The following TPRG1 variants were observed in gnomAD, a reference collection of about 807,000 sequenced individuals.
TPRG1 encodes the protein tumor protein p63 regulated 1, also known as tumor protein p63-regulated gene 1 protein.
A neutral mutation model predicts 29.3 loss-of-function variants in TPRG1; 29 were observed. The observed-to-expected ratio is 0.99, with a 90% CI of 0.74 to 1.35. TPRG1 has a LOEUF of 1.35. TPRG1 is among the 40% of genes most tolerant of loss of function. The pLI, the probability that TPRG1 is intolerant of heterozygous loss-of-function variation, is 0.00. For synonymous variants in TPRG1, 130 were observed against 116.8 expected (o/e 1.11, Z -0.73); for missense variants, 327 against 335.0 (o/e 0.98, Z 0.19).
intron 4 of TPRG1, among the ~76,000 whole-genome samples, chr3:189,268,352 G>T (rs1363068308): frequency 6.6e-6 from 1 of 152,164 alleles, no homozygotes; most frequent in Non-Finnish European, 1.5e-5. Context: ...AAATCTCCGT[G>T]GGGAGGCGTT....
chr3:189,091,823 CTTATT>C, intron 4 of TPRG1, among the ~76,000 whole-genome samples: 1 of 152,106 alleles, frequency 6.6e-6, no homozygotes, highest in Middle Eastern at 3.4e-3. Flanking sequence ...TTCTGTGTTA[CTTATT>C]TTATCTATTT....
rs552333824 is a variant in TPRG1, at chr3:189,260,639, G to A, written c.479+21730G>A. 4.9e-4 allele frequency among the ~76,000 whole-genome samples: 75 copies of A among 152,298 alleles called. No individual in the cohort carries two copies. In the South Asian group the frequency reaches 7.9e-3, roughly 16 times the overall value. ...ATATCTCCCTGCAAGAGAAGGCATC[G>A]CACATGTATCTCTCCATGCTATTTA... On this transcript the variant is annotated intron_variant, in intron 4 of 5. Coordinates refer to ENST00000345063, the MANE Select transcript of TPRG1 (RefSeq NM_198485.4).
At chr3:189,248,996 A>G (rs1741757664) in intron 4 of TPRG1, among the ~76,000 whole-genome samples, 1 of 151,370 alleles carries the variant, frequency 6.6e-6, no homozygotes, top group African/African-American at 2.4e-5. Context: ...TATAGAGTAA[A>G]TAAATGGTAG....
intron 4 of TPRG1, among the ~76,000 whole-genome samples, chr3:189,031,856 C>T (rs1446005923): frequency 6.6e-6 from 1 of 151,936 alleles, no homozygotes; most frequent in Non-Finnish European, 1.5e-5. Context: ...AAAAGTGTCT[C>T]ACCAAGGAAA....
chr3:189,291,584 G>A (rs1719009625), intron 4 of TPRG1, among the ~76,000 whole-genome samples: 2 of 152,172 alleles, frequency 1.3e-5, no homozygotes, highest in South Asian at 4.2e-4. Context: ...TAGCATTTTG[G>A]TTTTAGTTTT....
intron 4 of TPRG1, among the ~76,000 whole-genome samples, chr3:189,271,136 A>G (rs73889162): frequency 3.6e-4 from 55 of 152,306 alleles, no homozygotes; most frequent in African/African-American, 1.3e-3. Context: ...GTCCTTGGGA[A>G]ATGACGGTAG....
At chr3:189,118,360 A>G (rs756091954) in intron 1 of TPRG1, among the ~76,000 whole-genome samples, 12 of 152,200 alleles carry the variant, frequency 7.9e-5, no homozygotes, top group Admixed American at 6.5e-5. Flanking sequence ...AGAGCATAAA[A>G]TTTGGAAAAT....
intron 4 of TPRG1, among the ~76,000 whole-genome samples, chr3:189,259,859 G>T (rs1291527260): frequency 6.6e-6 from 1 of 152,148 alleles, no homozygotes; most frequent in East Asian, 1.9e-4. Flanking sequence ...GGAAACAGAT[G>T]ATGGTAGCAT....
chr3:189,102,200 C>T (rs550076775), intron 1 of TPRG1, among the ~76,000 whole-genome samples: 2 of 152,318 alleles, frequency 1.3e-5, no homozygotes, highest in Non-Finnish European at 2.9e-5. Context: ...AAACATTCCC[C>T]TGGCCTTTCT....
intron 1 of TPRG1, among the ~76,000 whole-genome samples, chr3:189,111,467 T>C (rs993596848): frequency 9.9e-5 from 15 of 152,134 alleles, no homozygotes; most frequent in Admixed American, 2.6e-4. Context: ...AGCCTCATCA[T>C]AAATGGAGGG....
intron 4 of TPRG1, among the ~76,000 whole-genome samples, chr3:189,299,260 T>C (rs184698592): frequency 1.8e-3 from 267 of 152,260 alleles, no homozygotes; most frequent in African/African-American, 6.1e-3. Context: ...TGTAGCATTT[T>C]TCTTGGTAGC....
At chr3:189,306,258 T>C (rs762371721) in intron 4 of TPRG1, among the ~76,000 whole-genome samples, 1 of 152,156 alleles carries the variant, frequency 6.6e-6, no homozygotes, top group Non-Finnish European at 1.5e-5. Flanking sequence ...GAAAATATAA[T>C]TAAGAAGTTA....
At chr3:189,089,012 CTATG>C (rs1393177784) in intron 4 of TPRG1, among the ~76,000 whole-genome samples, 2 of 143,264 alleles carry the variant, frequency 1.4e-5, no homozygotes, top group Admixed American at 7.0e-5. Flanking sequence ...ATCTATCTAT[CTATG>C]TATCATCTGT....
intron 4 of TPRG1, chr3:189,309,959 C>G (rs1397981709): frequency 6.5e-6 from 1 of 152,738 alleles, no homozygotes; most frequent in African/African-American, 2.4e-5. Context: ...AGTCCCATGT[C>G]TTTTCTCAGT....
intron 4 of TPRG1, among the ~76,000 whole-genome samples, chr3:189,057,936 A>C (rs1027222477): frequency 6.6e-6 from 1 of 150,476 alleles, no homozygotes; most frequent in Non-Finnish European, 1.5e-5. Context: ...TGAATATATA[A>C]GTATATATTG....
chr3:189,228,990 C>G lies in TPRG1; in HGVS notation c.303-9743C>G, dbSNP rs575691719. 3.3e-5 allele frequency among the ~76,000 whole-genome samples: 5 copies of G among 151,938 alleles called. No individual in the cohort carries two copies. In the South Asian group the frequency reaches 1.0e-3, roughly 32 times the overall value. On this transcript the variant is annotated intron_variant, in intron 3 of 5. Transcript: ENST00000345063. The stretch of plus-strand genomic sequence containing the variant: ...TATACTAGCAATAAAGAAGTAAAAG[C>G]TAAAATTAAAAATGCAATAACACTT...
intron 3 of TPRG1, among the ~76,000 whole-genome samples, chr3:189,137,721 C>T (rs550220885): frequency 6.6e-6 from 1 of 152,154 alleles, no homozygotes; most frequent in African/African-American, 2.4e-5. Flanking sequence ...TTCCGCATGT[C>T]TACAACACTT....
intron 4 of TPRG1, among the ~76,000 whole-genome samples, chr3:189,043,648 A>G (rs1714777800): frequency 6.6e-6 from 1 of 152,198 alleles, no homozygotes; most frequent in East Asian, 1.9e-4. Context: ...ACTGGCTTGT[A>G]TATATTGACA....
intron 1 of TPRG1, among the ~76,000 whole-genome samples, chr3:189,183,642 A>G (rs1730537155): frequency 6.6e-6 from 1 of 152,064 alleles, no homozygotes; most frequent in African/African-American, 2.4e-5. Context: ...TTCCTTGCTG[A>G]GAAAAAGAAT....
Sources: allele counts gnomAD v4.1 joint callset (sites outside exome capture counted in the v4.1 genomes callset), GRCh38; gene constraint gnomAD v4.1.1; transcripts MANE v1.5; gene names NCBI Gene and HGNC (gene_info 2026-07-23, HGNC 2026-07-21).